ST3GAL6: variants seen among roughly 807,000 people sequenced by gnomAD.
ST3GAL6 encodes the protein type 2 lactosamine alpha-2,3-sialyltransferase.
In ST3GAL6, 31 loss-of-function variants were observed where a neutral mutation model predicts 40.5. That is an observed-to-expected ratio of 0.77 (90% CI 0.58 to 1.03). ST3GAL6 has a LOEUF of 1.03. Ranked by LOEUF, ST3GAL6 falls within the 50% of genes least tolerant of loss-of-function variation. The pLI is 0.00. For synonymous variants in ST3GAL6, 129 were observed against 136.9 expected (o/e 0.94, Z 0.40); for missense variants, 357 against 393.2 (o/e 0.91, Z 0.78).
intron 1 of ST3GAL6, among the ~76,000 whole-genome samples, chr3:98,741,495 A>G (rs527995796): frequency 2.0e-4 from 30 of 152,226 alleles, no homozygotes; most frequent in African/African-American, 6.7e-4. Flanking sequence ...GCGCTGAGAC[A>G]TGAAACTGCC....
At chr3:98,761,443 A>C (rs79328900), upstream of ST3GAL6, among the ~76,000 whole-genome samples, 778 of 152,210 alleles carry the variant, frequency 5.1e-3, 8 homozygotes, top group African/African-American at 0.018. Context: ...CCCCATCTCT[A>C]TTAAAAATAC....
intron 1 of ST3GAL6, among the ~76,000 whole-genome samples, chr3:98,742,224 A>C (rs899235114): frequency 3.2e-4 from 49 of 152,302 alleles, no homozygotes; most frequent in African/African-American, 1.1e-3. Context: ...TTCATAGCTT[A>C]TGCAATACCT....
chr3:98,780,184 CGAG>C (rs1939959451), intron 5 of ST3GAL6, among the ~76,000 whole-genome samples: 1 of 152,086 alleles, frequency 6.6e-6, no homozygotes, highest in Non-Finnish European at 1.5e-5. Flanking sequence ...CAATGAGTAA[CGAG>C]GAGTGCGATT....
chr3:98,732,903 G>A (rs1935154841), intron 1 of ST3GAL6: 6 of 1,507,970 alleles, frequency 4.0e-6, no homozygotes, highest in Non-Finnish European at 3.5e-6. Context: ...GCCGGCTGGA[G>A]CAGCGGCCCC....
At chr3:98,734,901 G>A (rs1430245598) in intron 1 of ST3GAL6, among the ~76,000 whole-genome samples, 1 of 152,154 alleles carries the variant, frequency 6.6e-6, no homozygotes, top group African/African-American at 2.4e-5. Flanking sequence ...GGGAGAAGAC[G>A]TGAGTAATGC....
intron 1 of ST3GAL6, among the ~76,000 whole-genome samples, chr3:98,755,604 G>A (rs576349485): frequency 2.0e-5 from 3 of 152,212 alleles, no homozygotes; most frequent in Non-Finnish European, 4.4e-5. Flanking sequence ...ACTTAAATAG[G>A]CAAAATACCG....
chr3:98,756,493 A>T, intron 1 of ST3GAL6: 1 of 1,287,302 alleles, frequency 7.8e-7, no homozygotes, highest in Middle Eastern at 2.1e-4. Context: ...CAAATTCTCC[A>T]CCTTTGCGAA....
rs1937442934 is a variant in ST3GAL6, at chr3:98,756,656, A to G, written c.-11-11774A>G. ...TGATGTTAAAATCCCCTCTTCTATG[A>G]ATACAGGTGCCTGCTATTTTTTTCT... On this transcript the variant is annotated intron_variant, in intron 1 of 9. Transcript: ENST00000265261. 3.4e-6 allele frequency: 3 copies of G among 870,534 alleles called. No individual in the cohort carries two copies. In the African/African-American group the frequency reaches 5.3e-5, roughly 15 times the overall value. 53.9% of individuals were successfully genotyped at this position (870,534 alleles called of 1,614,324 possible).
intron 6 of ST3GAL6, among the ~76,000 whole-genome samples, chr3:98,785,584 A>G (rs13072410): frequency 0.053 from 8,113 of 152,238 alleles, 271 homozygotes; most frequent in Non-Finnish European, 0.071. Flanking sequence ...TGAAGCTGGA[A>G]AGTAGCAGGC....
At chr3:98,739,105 T>G (rs992533033) in intron 1 of ST3GAL6, among the ~76,000 whole-genome samples, 11 of 152,194 alleles carry the variant, frequency 7.2e-5, no homozygotes, top group African/African-American at 2.7e-4. Context: ...AATGACTTTT[T>G]GGAAAACAGT....
chr3:98,777,944 A>ACCAGTC (rs1939708217), intron 5 of ST3GAL6, among the ~76,000 whole-genome samples: 1 of 152,202 alleles, frequency 6.6e-6, no homozygotes, highest in East Asian at 1.9e-4. Flanking sequence ...GCTCCTCAGC[A>ACCAGTC]CCAGTCTGCC....
chr3:98,789,258 G>C (rs1941006894), intron 8 of ST3GAL6, among the ~76,000 whole-genome samples: 1 of 152,100 alleles, frequency 6.6e-6, no homozygotes, highest in African/African-American at 2.4e-5. Context: ...TTGTGATTAA[G>C]AAATTCAAAA....
At chr3:98,790,074 C>A (rs919994317) in intron 8 of ST3GAL6, among the ~76,000 whole-genome samples, 23 of 152,116 alleles carry the variant, frequency 1.5e-4, no homozygotes, top group African/African-American at 4.8e-4. Context: ...TTGAAGAGAA[C>A]CTGGGACATG....
chr3:98,776,351 T>C (rs1279016587), intron 5 of ST3GAL6, among the ~76,000 whole-genome samples: 1 of 152,226 alleles, frequency 6.6e-6, no homozygotes, highest in Admixed American at 6.5e-5. Flanking sequence ...TATGTAGTTC[T>C]CATTTCTCTT....
chr3:98,733,666 C>T, intron 1 of ST3GAL6: 1 of 911,220 alleles, frequency 1.1e-6, no homozygotes, highest in Non-Finnish European at 1.3e-6. Context: ...TTTGAGGCCG[C>T]CGGCTCCGGA....
chr3:98,781,892 T>G (rs1341185103), intron 5 of ST3GAL6, among the ~76,000 whole-genome samples: 1 of 152,216 alleles, frequency 6.6e-6, no homozygotes, highest in Non-Finnish European at 1.5e-5. Context: ...TTAACATTCC[T>G]AGTGGAGATG....
At chr3:98,777,764 T>C (rs1366557381) in intron 5 of ST3GAL6, among the ~76,000 whole-genome samples, 1 of 152,236 alleles carries the variant, frequency 6.6e-6, no homozygotes, top group African/African-American at 2.4e-5. Flanking sequence ...TGATTTCTCA[T>C]GGACACAGGC....
At chr3:98,733,440 T>C (rs1262645641) in intron 1 of ST3GAL6, 44 of 996,292 alleles carry the variant, frequency 4.4e-5, no homozygotes, top group Non-Finnish European at 5.1e-5. Flanking sequence ...TATTGTTTTC[T>C]TGTAAAAGGG....
chr3:98,761,609 CAA>C (rs35800676), upstream of ST3GAL6, among the ~76,000 whole-genome samples: 282 of 114,584 alleles, frequency 2.5e-3, no homozygotes, highest in African/African-American at 6.9e-3. Flanking sequence ...GACTCCATCT[CAA>C]AAAAAAAAAA....
Sources: gnomAD v4.1 joint callset for allele counts (sites outside exome capture counted in the v4.1 genomes callset) on GRCh38, gnomAD v4.1.1 for gene constraint, MANE v1.5 for transcripts, NCBI Gene and HGNC (gene_info 2026-07-23, HGNC 2026-07-21) for gene names.